The following A2M variants were observed in gnomAD, a reference collection of about 807,000 sequenced individuals.
The protein encoded by A2M is C3 and PZP-like alpha-2-macroglobulin domain-containing protein 5.
Under a neutral mutation model 183.9 loss-of-function variants are expected in A2M, and 128 were observed. The observed-to-expected ratio is 0.70, with a 90% CI of 0.60 to 0.81. The LOEUF (loss-of-function observed/expected upper bound fraction) is 0.81. A2M is among the 30% of genes least tolerant of loss of function. A2M has a pLI of 0.00. For synonymous variants in A2M, 592 were observed against 670.8 expected (o/e 0.88, Z 1.81); for missense variants, 1,495 against 1,787.6 (o/e 0.84, Z 2.95).
intron 18 of A2M, 34 bp downstream of exon 18, chr12:9,093,431 T>G: frequency 7.0e-7 from 1 of 1,421,264 alleles, no homozygotes; most frequent in Non-Finnish European, 9.9e-7. Context: ...GGGACCTCTA[T>G]TGTTGCATAT....
intron 6 of A2M, 102 bp downstream of exon 6, chr12:9,109,765 C>G: frequency 8.5e-7 from 1 of 1,174,036 alleles, no homozygotes; most frequent in Non-Finnish European, 1.2e-6. Context: ...AGCCCAATGT[C>G]ACCCATGGGA....
intron 22 of A2M, among the ~76,000 whole-genome samples, chr12:9,081,795 G>A (rs945885478): frequency 1.3e-5 from 2 of 152,176 alleles, no homozygotes; most frequent in African/African-American, 2.4e-5. Flanking sequence ...TCATTTCACC[G>A]GGAACACAGG....
At position 9,112,457 on chromosome 12, in the gene A2M, C is replaced by A. The variant is rs772340371; in HGVS notation, c.350G>T (p.Arg117Leu). The A allele has an allele frequency of 4.3e-6, 7 of 1,613,768 alleles. No homozygotes were observed. Among genetic ancestry groups the A allele is most frequent in the Non-Finnish European group, 5.9e-6 (7 of 1,179,784 alleles). The change falls in exon 3 of 36, where the codon CGG (arginine) becomes CTG (leucine). Residue 117 changes from arginine to leucine, a missense_variant. Transcript: ENST00000318602. ...VKGPTQEFKKRTTVMVKNEDS... is the reference protein window; with the variant it reads ...VKGPTQEFKKLTTVMVKNEDS... ...CTCGTTCTTAACCATCACTGTGGTC[C>A]GCTTCTTAAATTCTTGGGTTGGTCC...
chr12:9,107,755 C>G (rs1938408781), intron 7 of A2M, 111 bp from the exon 8 acceptor site: 2 of 1,249,666 alleles, frequency 1.6e-6, no homozygotes, highest in South Asian at 3.0e-5. Context: ...GTACTTCCCT[C>G]TGCTCTCTGC....
In A2M at chr12:9,112,552, G is replaced by A. The variant is rs370915527; in HGVS notation, c.271-16C>T. 9.3e-6 allele frequency: 15 copies of A among 1,612,942 alleles called. No homozygotes were observed. The highest frequency in any genetic ancestry group is 2.2e-5 in the South Asian group (2 of 90,942). ...ACTTTGGGACCTGAAATACAGGACC[G>A]ATCCTGAAACCCCATTCAGCACCCG... On this transcript the variant is annotated splice_polypyrimidine_tract_variant and intron_variant, in intron 2 of 35. Coordinates refer to ENST00000318602, the MANE Select transcript of A2M (RefSeq NM_000014.6).
rs2137628463 is a variant in A2M, at chr12:9,070,378, G to A, written c.4194+110C>T. 5 of 763,922 alleles carry A rather than the reference G, an allele frequency of 6.5e-6. No homozygotes were observed. The South Asian group carries it at 8.6e-5, about 13-fold the overall frequency. The allele number at this position is 763,922 out of a possible 1,614,324, so 47.3% of individuals were successfully genotyped here. A position where few individuals can be genotyped will look rare whatever the true frequency, so the allele number is the denominator to read the frequency against. On this transcript the variant is annotated intron_variant, in intron 32 of 35. Transcript: ENST00000318602. ...ATTTCTGAGCTGGAAAAAGGATAAGGCTTTGATAGAGATTGACTTTAATAG... is the reference window on the plus strand; with the variant it reads ...ATTTCTGAGCTGGAAAAAGGATAAGACTTTGATAGAGATTGACTTTAATAG...
At chr12:9,104,010 C>T (rs993176473) in intron 11 of A2M, among the ~76,000 whole-genome samples, 7 of 152,248 alleles carry the variant, frequency 4.6e-5, no homozygotes, top group Non-Finnish European at 1.0e-4. Context: ...ATAGTGGCTC[C>T]GCCATTTTAC....
chr12:9,086,201 C>A (rs775283075), intron 22 of A2M, among the ~76,000 whole-genome samples: 1 of 152,272 alleles, frequency 6.6e-6, no homozygotes, highest in East Asian at 1.9e-4. Context: ...AAAAGAATTA[C>A]AGACCAATAT....
chr12:9,106,185 CT>C, intron 10 of A2M, 50 bp downstream of exon 10: 1 of 1,065,246 alleles, frequency 9.4e-7, no homozygotes. Flanking sequence ...AACTATTGTG[CT>C]AATTAGGTAA....
At position 9,107,608 on chromosome 12, in the gene A2M, A is replaced by G. The variant is rs750070753; in HGVS notation, c.795T>C (p.Thr265=). Residue 265 remains threonine, a synonymous_variant, in exon 8 of 36, where the codon ACT becomes ACC. Coordinates refer to ENST00000318602, the MANE Select transcript of A2M (RefSeq NM_000014.6). ...CACTATACTTTCTGCAAATGCTCAC[A>G]GTCACATGTCCAGGGACAGGCTTCC... The part of the protein sequence containing the change: ...TYGKPVPGHV[T]VSICRKYSDA... 6.2e-7 allele frequency: 1 copy of G among 1,614,058 alleles called. No homozygotes were observed. Among genetic ancestry groups the G allele is most frequent in the South Asian group, 1.1e-5 (1 of 91,088 alleles).
Position 9,076,883 on chromosome 12 carries a change from T to G in A2M, c.3405A>C (p.Ala1135=). 1 of 1,612,736 alleles carries G rather than the reference T, an allele frequency of 6.2e-7. No individual in the cohort carries two copies. Among genetic ancestry groups the G allele is most frequent in the East Asian group, 2.2e-5 (1 of 44,862 alleles). ...LFCLESAWKT[A]QEGDHGSHVY... ...CATGGCTGCCATGGTCCCCTTCTTG[T>G]GCTGTCTTCCAGGCTGACTCCAGGC... Residue 1135 remains alanine, a synonymous_variant, in exon 28 of 36, where the codon GCA becomes GCC. Transcript: ENST00000318602.
chr12:9,107,383 A>AT (rs1216225424), intron 8 of A2M, 141 bp downstream of exon 8: 99 of 1,053,458 alleles, frequency 9.4e-5, no homozygotes, highest in African/African-American at 1.4e-4. Flanking sequence ...TAAGTTCATG[A>AT]TTTTTTTTGA....
rs747628830 is a variant in A2M, at chr12:9,067,775, A to C, written c.*48T>G. 1 of 1,591,962 alleles carries C rather than the reference A, an allele frequency of 6.3e-7. No homozygotes were observed. The highest frequency in any genetic ancestry group is 2.2e-5 in the East Asian group (1 of 44,748). ...ATACAAAAACACGTGTCTTCTGTGG[A>C]GCTCTGAGAACAGGACTCCAGCAAA... On this transcript the variant is annotated 3_prime_UTR_variant, in exon 36 of 36. Coordinates refer to ENST00000318602, the MANE Select transcript of A2M (RefSeq NM_000014.6).
At chr12:9,099,576 A>T in intron 13 of A2M, 53 bp from the exon 14 acceptor site, 2 of 1,553,516 alleles carry the variant, frequency 1.3e-6, no homozygotes, top group Non-Finnish European at 1.7e-6. Flanking sequence ...GACTATTTCC[A>T]TTAGTAGATG....
intron 21 of A2M, 70 bp from the exon 22 acceptor site, chr12:9,089,321 C>T: frequency 9.1e-7 from 1 of 1,101,860 alleles, no homozygotes; most frequent in Non-Finnish European, 1.4e-6. Flanking sequence ...AATGGAGGGA[C>T]CACAGATATT....
rs181395686 is a variant in A2M, at chr12:9,100,964, T to A, written c.1558+180A>T. Among the ~76,000 whole-genome samples, 5 of 152,244 alleles carry A rather than the reference T, an allele frequency of 3.3e-5. No homozygotes were observed. The East Asian group carries it at 9.7e-4, about 29-fold the overall frequency. The stretch of plus-strand genomic sequence containing the variant: ...TTGGGTACAATGTATACTGCTCGGG[T>A]GATGGGTGCACCAAAATCTCGGAAA... On this transcript the variant is annotated intron_variant, in intron 13 of 35. Coordinates refer to ENST00000318602, the MANE Select transcript of A2M (RefSeq NM_000014.6).
chr12:9,103,248 CT>C (rs1179027296), intron 11 of A2M, among the ~76,000 whole-genome samples: 3 of 152,124 alleles, frequency 2.0e-5, no homozygotes, highest in Non-Finnish European at 4.4e-5. Context: ...TTCACTTAAT[CT>C]TCACAACCAC....
chr12:9,077,490 T>C lies in A2M; in HGVS notation c.3277-70A>G. On this transcript the variant is annotated intron_variant, in intron 26 of 35. Coordinates refer to ENST00000318602, the MANE Select transcript of A2M (RefSeq NM_000014.6). The stretch of plus-strand genomic sequence containing the variant: ...TGCTATTGATTAGTTCTTTCTATTC[T>C]GCTGTGTCATGGAATTCATCCTTAC... The C allele has an allele frequency of 2.0e-6, 3 of 1,504,518 alleles. No individual in the cohort carries two copies. The South Asian group carries it at 3.5e-5, about 18-fold the overall frequency. 93.2% of individuals were successfully genotyped at this position (1,504,518 alleles called of 1,614,324 possible). A position where few individuals can be genotyped will look rare whatever the true frequency, so the allele number is the denominator to read the frequency against.
intron 22 of A2M, among the ~76,000 whole-genome samples, chr12:9,084,713 C>T (rs1252069460): frequency 6.6e-5 from 10 of 151,800 alleles, no homozygotes; most frequent in Non-Finnish European, 1.5e-4. Context: ...ACTAAATTCC[C>T]CATTTAAAAG....
Sources: gnomAD v4.1 joint callset for allele counts (sites outside exome capture counted in the v4.1 genomes callset) on GRCh38, gnomAD v4.1.1 for gene constraint, MANE v1.5 for transcripts, NCBI Gene and HGNC (gene_info 2026-07-23, HGNC 2026-07-21) for gene names.